Variants in UBE2G1 observed in about 807,000 individuals in gnomAD.
UBE2G1 encodes ubiquitin conjugating enzyme E2 G1, also known as ubiquitin-conjugating enzyme E2 G1.
In UBE2G1, 5 loss-of-function variants were observed where a neutral mutation model predicts 22.7. The observed-to-expected ratio is 0.22, with a 90% CI of 0.12 to 0.46. UBE2G1 has a LOEUF of 0.46. Among genes scored for constraint, UBE2G1 ranks in the 20% least tolerant of loss-of-function variants. The pLI is 0.99. For synonymous variants in UBE2G1, 74 were observed against 67.5 expected, an observed-to-expected ratio of 1.10 and a Z score of -0.47; for missense variants, 88 against 203.9, an observed-to-expected ratio of 0.43 and a Z score of 3.46.
At chr17:4,324,760 T>A (rs1188328477) in intron 1 of UBE2G1, among the ~76,000 whole-genome samples, 1 of 151,926 alleles carries the variant, frequency 6.6e-6, no homozygotes, top group Non-Finnish European at 1.5e-5. Flanking sequence ...AAATCCACAA[T>A]GTTGAATAGG....
chr17:4,349,986 C>T (rs149046161), intron 1 of UBE2G1, among the ~76,000 whole-genome samples: 314 of 152,212 alleles, frequency 2.1e-3, no homozygotes, highest in African/African-American at 7.1e-3. Context: ...GGGACCTCAC[C>T]ATCTTGCTCA....
intron 1 of UBE2G1, among the ~76,000 whole-genome samples, chr17:4,356,821 A>T (rs1969911061): frequency 6.6e-6 from 1 of 152,254 alleles, no homozygotes; most frequent in African/African-American, 2.4e-5. Context: ...TTGTATTTAT[A>T]ACTACAAATA....
chr17:4,356,305 C>G (rs1969905694), intron 1 of UBE2G1, among the ~76,000 whole-genome samples: 1 of 151,690 alleles, frequency 6.6e-6, no homozygotes, highest in Non-Finnish European at 1.5e-5. Flanking sequence ...TTGCAGTGAG[C>G]CGAGATGGTG....
At chr17:4,280,615 C>A (rs1040681831) in intron 5 of UBE2G1, among the ~76,000 whole-genome samples, 1 of 150,794 alleles carries the variant, frequency 6.6e-6, no homozygotes, top group Non-Finnish European at 1.5e-5. Flanking sequence ...GGGTTACAGG[C>A]ATGAGCCACC....
intron 2 of UBE2G1, among the ~76,000 whole-genome samples, chr17:4,299,782 A>C (rs1969152423): frequency 6.8e-6 from 1 of 147,980 alleles, no homozygotes; most frequent in African/African-American, 2.5e-5. Flanking sequence ...CTTCTATTTT[A>C]CCTGTGGAAA....
Position 4,305,230 on chromosome 17 carries a change from G to A in UBE2G1, c.149+1791C>T, listed in dbSNP as rs562286068. 5.3e-5 allele frequency among the ~76,000 whole-genome samples: 8 copies of A among 152,110 alleles called. No individual in the cohort carries two copies. In the East Asian group the frequency reaches 7.7e-4, roughly 15 times the overall value. On this transcript the variant is annotated intron_variant, in intron 2 of 5. Transcript: ENST00000396981. The stretch of plus-strand genomic sequence containing the variant: ...CTCGGCCTCGTGAGCCACTACGCCC[G>A]GCCGACAACAAATATTTTTTAAGCA...
At chr17:4,350,759 G>A (rs1003201380) in intron 1 of UBE2G1, among the ~76,000 whole-genome samples, 6 of 152,196 alleles carry the variant, frequency 3.9e-5, no homozygotes, top group East Asian at 3.9e-4. Flanking sequence ...GAGGCTGGAC[G>A]TGTTGGCTCA....
intron 2 of UBE2G1, among the ~76,000 whole-genome samples, chr17:4,300,901 T>C (rs1015388323): frequency 1.1e-4 from 16 of 150,716 alleles, no homozygotes; most frequent in Admixed American, 2.0e-4. Context: ...GCGGCGGAGG[T>C]TGCAGTGAGC....
At chr17:4,299,271 C>T (rs760765403) in intron 2 of UBE2G1, among the ~76,000 whole-genome samples, 1 of 152,014 alleles carries the variant, frequency 6.6e-6, no homozygotes, top group Non-Finnish European at 1.5e-5. Flanking sequence ...TGGTGGCGTG[C>T]ACCTGTAATC....
At chr17:4,302,736 C>T in intron 2 of UBE2G1, 1 of 209,178 alleles carries the variant, frequency 4.8e-6, no homozygotes, top group African/African-American at 2.3e-5. Flanking sequence ...TGGGCTTTTG[C>T]ACATCACTGG....
chr17:4,337,171 C>A (rs936592699), intron 1 of UBE2G1, among the ~76,000 whole-genome samples: 1 of 151,848 alleles, frequency 6.6e-6, no homozygotes, highest in Non-Finnish European at 1.5e-5. Context: ...CTGGGCCTAG[C>A]GGCTCACACA....
chr17:4,278,183 C>T (rs374374989), intron 5 of UBE2G1, among the ~76,000 whole-genome samples: 13 of 152,294 alleles, frequency 8.5e-5, no homozygotes, highest in Admixed American at 5.9e-4. Context: ...TACATGCATG[C>T]GCCACCGCGC....
At chr17:4,359,598 C>T (rs116777524) in intron 1 of UBE2G1, among the ~76,000 whole-genome samples, 15 of 152,294 alleles carry the variant, frequency 9.8e-5, no homozygotes, top group Admixed American at 8.5e-4. Flanking sequence ...AGACCGGGCG[C>T]GATGGCTCAC....
intron 5 of UBE2G1, among the ~76,000 whole-genome samples, chr17:4,273,221 T>C (rs1479291937): frequency 6.6e-6 from 1 of 152,216 alleles, no homozygotes; most frequent in Non-Finnish European, 1.5e-5. Context: ...CTTTACAAAC[T>C]CATTTCCTGA....
rs566880644 is a variant in UBE2G1, at chr17:4,332,875, CCTT to C, written c.47-25755_47-25753del. 2.9e-3 allele frequency among the ~76,000 whole-genome samples: 449 copies of C among 152,282 alleles called. 1 individual carries two copies. The highest frequency in any genetic ancestry group is 0.01 in the African/African-American group (419 of 41,558). ...ATGAAACCCCACCCCCTTACACACT[CCTT>C]ATTTTATCCTCTTTCCCTGTTCTAG... On this transcript the variant is annotated intron_variant, in intron 1 of 5. Transcript: ENST00000396981.
At chr17:4,322,760 C>A (rs1306741081) in intron 1 of UBE2G1, among the ~76,000 whole-genome samples, 1 of 152,170 alleles carries the variant, frequency 6.6e-6, no homozygotes, top group Non-Finnish European at 1.5e-5. Flanking sequence ...CTGTATCACA[C>A]ATAAGACTGT....
chr17:4,334,484 A>G (rs1232483725), intron 1 of UBE2G1, among the ~76,000 whole-genome samples: 3 of 152,190 alleles, frequency 2.0e-5, no homozygotes, highest in East Asian at 3.8e-4. Context: ...GTAAATTTTA[A>G]TATTAGTCAC....
In UBE2G1 at chr17:4,284,834, CTTTCTTTTTTTTT is replaced by C. The variant is rs1968941885; in HGVS notation, c.427-1926_427-1914del. Among the ~76,000 whole-genome samples the C allele has an allele frequency of 7.2e-5, 6 of 83,490 alleles. No homozygotes were observed. The South Asian group carries it at 1.4e-3, about 19-fold the overall frequency. The allele number at this position is 83,490 out of a possible 152,430, so 54.8% of individuals were successfully genotyped here. On this transcript the variant is annotated intron_variant, in intron 4 of 5. Coordinates refer to ENST00000396981, the MANE Select transcript of UBE2G1 (RefSeq NM_003342.5). ...TTTTCTTTTTCTTTTCTTTTCTTTT[CTTTCTTTTTTTTT>C]TTTTTTTTTTTTTTGGAGATAGGGT...
At chr17:4,300,377 T>C (rs1236149783) in intron 2 of UBE2G1, among the ~76,000 whole-genome samples, 1 of 151,520 alleles carries the variant, frequency 6.6e-6, no homozygotes, top group Non-Finnish European at 1.5e-5. Context: ...ACGCCGTCTC[T>C]ACTAAAAATG....
Sources: allele counts gnomAD v4.1 joint callset (sites outside exome capture counted in the v4.1 genomes callset), GRCh38; gene constraint gnomAD v4.1.1; transcripts MANE v1.5; gene names NCBI Gene and HGNC (gene_info 2026-07-23, HGNC 2026-07-21).